MTUS1: variants seen among roughly 807,000 people sequenced by gnomAD.
The protein encoded by MTUS1 is microtubule-associated tumor suppressor 1.
In MTUS1, 109 loss-of-function variants were observed where a neutral mutation model predicts 120.8. The observed-to-expected ratio is 0.90, with a 90% CI of 0.77 to 1.06. The LOEUF is 1.06. MTUS1 is among the 50% of genes least tolerant of loss of function. MTUS1 has a pLI of 0.00. For missense variants in MTUS1, 2,210 were observed against 1,486.3 expected, an observed-to-expected ratio of 1.49 and a Z score of -8.01; for synonymous variants, 737 against 550.5, an observed-to-expected ratio of 1.34 and a Z score of -4.74.
At chr8:17,786,858 A>C (rs2051344006) in intron 1 of MTUS1, among the ~76,000 whole-genome samples, 1 of 152,254 alleles carries the variant, frequency 6.6e-6, no homozygotes, top group Non-Finnish European at 1.5e-5. Context: ...ACTTTCGCTC[A>C]GGCCACAGTA....
At chr8:17,750,133 C>G (rs567186632) in intron 2 of MTUS1, among the ~76,000 whole-genome samples, 11 of 152,292 alleles carry the variant, frequency 7.2e-5, no homozygotes, top group Admixed American at 4.6e-4. Flanking sequence ...CCGATAGATA[C>G]ACATAAAGCC....
intron 1 of MTUS1, among the ~76,000 whole-genome samples, chr8:17,765,248 C>A (rs568094520): frequency 2.0e-5 from 3 of 152,172 alleles, no homozygotes; most frequent in Non-Finnish European, 4.4e-5. Flanking sequence ...TTTGCCCCCT[C>A]GCCTGAAGCC....
At chr8:17,741,330 C>A (rs1479397716) in intron 3 of MTUS1, among the ~76,000 whole-genome samples, 1 of 152,166 alleles carries the variant, frequency 6.6e-6, no homozygotes, top group Non-Finnish European at 1.5e-5. Flanking sequence ...TGTAGAGGGA[C>A]CCAAGTATTC....
At position 17,667,746 on chromosome 8, in the gene MTUS1, T is replaced by C. The variant is rs10089239; in HGVS notation, c.2905+7440A>G. Among the ~76,000 whole-genome samples, 1,217 of 152,358 alleles carry C rather than the reference T, an allele frequency of 8.0e-3. 18 individuals carry two copies. Among genetic ancestry groups the C allele is most frequent in the African/African-American group, 0.028 (1,163 of 41,570 alleles). ...TACCAGAAGATTGGTGGTCTAGCCA[T>C]CTTGGGTTCTTATGCAAGCTCTTTG... On this transcript the variant is annotated intron_variant, in intron 8 of 14. Transcript: ENST00000693296.
At chr8:17,731,541 AAAATAATTAAACATAGGTC>A (rs765135520) in intron 3 of MTUS1, among the ~76,000 whole-genome samples, 13 of 152,238 alleles carry the variant, frequency 8.5e-5, no homozygotes, top group Admixed American at 2.0e-4. Context: ...AACCATAAAA[AAAATAATTAAACATAGGTC>A]AGTCTTCTTG....
chr8:17,745,864 G>T (rs2047702673), intron 2 of MTUS1, among the ~76,000 whole-genome samples: 1 of 152,162 alleles, frequency 6.6e-6, no homozygotes, highest in Admixed American at 6.5e-5. Context: ...ACATCGAATT[G>T]TAATCCCCAG....
At chr8:17,688,173 G>A (rs1319994255) in intron 6 of MTUS1, among the ~76,000 whole-genome samples, 2 of 152,166 alleles carry the variant, frequency 1.3e-5, no homozygotes, top group South Asian at 2.1e-4. Flanking sequence ...GGAAACGAAC[G>A]TTGTCCACTT....
Position 17,706,715 on chromosome 8 carries a change from G to A in MTUS1, c.2623+6499C>T, listed in dbSNP as rs549950000. Among the ~76,000 whole-genome samples the A allele has an allele frequency of 1.5e-3, 224 of 152,296 alleles. 1 individual carries two copies. The highest frequency in any genetic ancestry group is 5.2e-3 in the African/African-American group (215 of 41,556). On this transcript the variant is annotated intron_variant, in intron 6 of 14. Transcript: ENST00000693296. ...TATCACAAGAAATTGAAAGTTGAAAGTGCTAATTGTATAGATGTTCATCAT... is the reference window on the plus strand; with the variant it reads ...TATCACAAGAAATTGAAAGTTGAAAATGCTAATTGTATAGATGTTCATCAT...
chr8:17,708,729 C>T (rs1245344422), intron 6 of MTUS1: 3 of 152,168 alleles, frequency 2.0e-5, no homozygotes, highest in Admixed American at 2.0e-4. Flanking sequence ...TGCATTTTTA[C>T]CCTATAAAGG....
chr8:17,735,333 T>G (rs1486046380), intron 3 of MTUS1, among the ~76,000 whole-genome samples: 2 of 152,058 alleles, frequency 1.3e-5, no homozygotes, highest in African/African-American at 4.8e-5. Context: ...CACTTAGGAC[T>G]GTTCACACCA....
intron 7 of MTUS1, among the ~76,000 whole-genome samples, chr8:17,683,271 CA>C (rs200579222): frequency 1.3e-5 from 2 of 149,800 alleles, no homozygotes; most frequent in Non-Finnish European, 1.5e-5. Flanking sequence ...GAGTCTGTCT[CA>C]AAAAAAAAGA....
chr8:17,660,203 T>C (rs1462903653), intron 8 of MTUS1, among the ~76,000 whole-genome samples: 1 of 152,016 alleles, frequency 6.6e-6, no homozygotes, highest in East Asian at 1.9e-4. Flanking sequence ...TGAAACCCCA[T>C]CTCTAGTAAA....
intron 1 of MTUS1, among the ~76,000 whole-genome samples, chr8:17,765,487 G>T (rs1053328145): frequency 5.3e-5 from 8 of 151,880 alleles, no homozygotes; most frequent in African/African-American, 1.9e-4. Flanking sequence ...AGGCGTGGTG[G>T]TGTGCACCTG....
At chr8:17,676,062 A>C in intron 7 of MTUS1, 1 of 570,268 alleles carries the variant, frequency 1.8e-6, no homozygotes, top group Non-Finnish European at 3.1e-6. Flanking sequence ...AAAAAAAATG[A>C]AGAATTTCAA....
intron 6 of MTUS1, among the ~76,000 whole-genome samples, chr8:17,711,329 T>C (rs1251231401): frequency 6.6e-6 from 1 of 152,214 alleles, no homozygotes; most frequent in East Asian, 1.9e-4. Flanking sequence ...TATCAAATGA[T>C]CCCAGCTAGA....
At chr8:17,687,019 C>T (rs1214259022) in intron 6 of MTUS1, among the ~76,000 whole-genome samples, 2 of 152,020 alleles carry the variant, frequency 1.3e-5, no homozygotes, top group Non-Finnish European at 2.9e-5. Flanking sequence ...AGAATTTTTC[C>T]TTGGGGAAAC....
chr8:17,716,371 CA>C (rs1205822134), intron 4 of MTUS1: 1 of 153,404 alleles, frequency 6.5e-6, no homozygotes, highest in African/African-American at 2.4e-5. Context: ...GCTCCTACAG[CA>C]AGGAGTTAAA....
chr8:17,676,178 G>A, intron 7 of MTUS1: 1 of 692,038 alleles, frequency 1.4e-6, no homozygotes, highest in South Asian at 1.5e-5. Flanking sequence ...GCAGGCAAGA[G>A]TTGCTTGTCA....
chr8:17,692,314 C>A, intron 6 of MTUS1: 1 of 152,290 alleles, frequency 6.6e-6, no homozygotes, highest in Non-Finnish European at 1.5e-5. Flanking sequence ...GACCTGGCAC[C>A]ACCCCTTCCT....
Sources: allele counts gnomAD v4.1 joint callset (sites outside exome capture counted in the v4.1 genomes callset), GRCh38; gene constraint gnomAD v4.1.1; transcripts MANE v1.5; gene names NCBI Gene and HGNC (gene_info 2026-07-23, HGNC 2026-07-21).